FRAS1: variants seen among roughly 807,000 people sequenced by gnomAD.
FRAS1 encodes the protein Fraser extracellular matrix complex subunit 1.
FRAS1 carries 290 observed loss-of-function variants against 435.2 expected under a neutral mutation model. That is an observed-to-expected ratio of 0.67 (90% CI 0.61 to 0.73). The LOEUF (loss-of-function observed/expected upper bound fraction) is 0.73. Ranked by LOEUF, FRAS1 falls within the 30% of genes least tolerant of loss-of-function variation. The pLI is 0.00. For missense variants in FRAS1, 4,860 were observed against 5,001.5 expected (o/e 0.97, Z 0.85); for synonymous variants, 1,800 against 1,851.0 (o/e 0.97, Z 0.71).
chr4:78,136,556 C>T (rs1719928618), intron 2 of FRAS1, among the ~76,000 whole-genome samples: 1 of 152,158 alleles, frequency 6.6e-6, no homozygotes, highest in Non-Finnish European at 1.5e-5. Context: ...AGGATTATAA[C>T]ACTTTAGAGT....
chr4:78,187,046 T>C (rs1369894605), intron 2 of FRAS1, among the ~76,000 whole-genome samples: 1 of 152,238 alleles, frequency 6.6e-6, no homozygotes, highest in African/African-American at 2.4e-5. Flanking sequence ...TGTTGCCTCA[T>C]TTAAAGAGAA....
chr4:78,428,532 C>T (rs889689792), intron 35 of FRAS1, among the ~76,000 whole-genome samples: 11 of 152,130 alleles, frequency 7.2e-5, no homozygotes, highest in African/African-American at 2.7e-4. Context: ...ATCGTGTTAG[C>T]CAGGATGGTC....
intron 25 of FRAS1, 86 bp downstream of exon 25, chr4:78,374,337 CTTAAA>C (rs1731671257): frequency 1.5e-6 from 2 of 1,327,586 alleles, no homozygotes; most frequent in Non-Finnish European, 2.0e-6. Context: ...TCCAAGAATA[CTTAAA>C]TTAGAAAGCA....
chr4:78,191,220 C>T (rs1722518510), intron 2 of FRAS1, among the ~76,000 whole-genome samples: 1 of 152,194 alleles, frequency 6.6e-6, no homozygotes, highest in Non-Finnish European at 1.5e-5. Context: ...AAAGGGTGAT[C>T]TACAGTGACT....
intron 3 of FRAS1, among the ~76,000 whole-genome samples, chr4:78,239,143 GAA>G (rs1724890152): frequency 6.6e-6 from 1 of 152,140 alleles, no homozygotes; most frequent in Non-Finnish European, 1.5e-5. Flanking sequence ...GCCCTTCACA[GAA>G]AAAGTCTCCC....
At position 78,111,946 on chromosome 4, in the gene FRAS1, T is replaced by C. The variant is rs1024237005; in HGVS notation, c.108+45930T>C. Reference sequence around the variant, plus strand: ...TTCTGATGACATTGTTTTCAAGAGGTAGGCAAAGATCCCAGATTAGAAAAA... The same window carrying C: ...TTCTGATGACATTGTTTTCAAGAGGCAGGCAAAGATCCCAGATTAGAAAAA... On this transcript the variant is annotated intron_variant, in intron 2 of 73. Transcript: ENST00000512123. Among the ~76,000 whole-genome samples the C allele has an allele frequency of 9.2e-5, 14 of 152,176 alleles. 2 individuals are homozygous for C. The highest frequency in any genetic ancestry group is 3.4e-4 in the African/African-American group (14 of 41,534).
intron 19 of FRAS1, among the ~76,000 whole-genome samples, 158 bp from the exon 20 acceptor site, chr4:78,337,516 G>A (rs1038084418): frequency 6.6e-6 from 1 of 152,192 alleles, no homozygotes; most frequent in Non-Finnish European, 1.5e-5. Flanking sequence ...GCAGTCTCTA[G>A]GTCAGGTCCA....
At chr4:78,399,743 G>T (rs185789672) in intron 29 of FRAS1, among the ~76,000 whole-genome samples, 199 of 152,110 alleles carry the variant, frequency 1.3e-3, no homozygotes, top group Admixed American at 5.9e-3. Context: ...ATTTACCATT[G>T]GATTTACCAC....
At chr4:78,357,215 T>C (rs1730889826) in intron 20 of FRAS1, among the ~76,000 whole-genome samples, 1 of 152,206 alleles carries the variant, frequency 6.6e-6, no homozygotes, top group Non-Finnish European at 1.5e-5. Flanking sequence ...TTGGACTAAG[T>C]TGGTACCCCT....
chr4:78,284,290 C>G, intron 12 of FRAS1, 115 bp from the exon 13 acceptor site: 24 of 361,864 alleles, frequency 6.6e-5, no homozygotes, highest in Middle Eastern at 7.2e-4. Context: ...CCACAGTTTT[C>G]TGTTCTTCAT....
chr4:78,285,493 A>G (rs753392051), intron 13 of FRAS1, among the ~76,000 whole-genome samples: 2 of 148,170 alleles, frequency 1.3e-5, no homozygotes, highest in Non-Finnish European at 3.0e-5. Context: ...GTGTGGTGGC[A>G]TGGTCTCGGC....
chr4:78,481,767 A>C, intron 56 of FRAS1, 37 bp from the exon 57 acceptor site: 2 of 1,612,278 alleles, frequency 1.2e-6, no homozygotes, highest in Admixed American at 1.7e-5. Flanking sequence ...TTCTGGCTCA[A>C]AGTTGACCAT....
chr4:78,502,732 C>T (rs1037548566), intron 61 of FRAS1, among the ~76,000 whole-genome samples: 1 of 152,148 alleles, frequency 6.6e-6, no homozygotes, highest in Non-Finnish European at 1.5e-5. Flanking sequence ...ATTGCCCTGG[C>T]CAGAACTTCC....
intron 29 of FRAS1, among the ~76,000 whole-genome samples, chr4:78,389,556 G>C (rs999292000): frequency 7.2e-5 from 11 of 152,266 alleles, no homozygotes; most frequent in African/African-American, 2.7e-4. Flanking sequence ...TAGCCACCTT[G>C]CAACTCATCC....
intron 2 of FRAS1, among the ~76,000 whole-genome samples, chr4:78,203,301 T>A (rs1723118964): frequency 6.6e-6 from 1 of 152,170 alleles, no homozygotes; most frequent in African/African-American, 2.4e-5. Context: ...GAAAGGTAAC[T>A]GAGGGATAAA....
intron 2 of FRAS1, among the ~76,000 whole-genome samples, chr4:78,151,251 C>A (rs2110011615): frequency 6.6e-6 from 1 of 152,070 alleles, no homozygotes; most frequent in South Asian, 2.1e-4. Flanking sequence ...TTTTTTTACA[C>A]CTCAGTTATA....
chr4:78,209,102 G>A (rs1280466027), intron 2 of FRAS1, among the ~76,000 whole-genome samples: 1 of 151,720 alleles, frequency 6.6e-6, no homozygotes, highest in Admixed American at 6.6e-5. Context: ...CTGTGGTCGT[G>A]CCATGACACT....
intron 20 of FRAS1, among the ~76,000 whole-genome samples, chr4:78,355,058 C>G (rs1284009545): frequency 6.6e-6 from 1 of 152,014 alleles, no homozygotes; most frequent in Non-Finnish European, 1.5e-5. Context: ...GCTGCTGAGT[C>G]AAAATATTAA....
Position 78,120,582 on chromosome 4 carries a change from G to A in FRAS1, c.108+54566G>A, listed in dbSNP as rs1344497933. ...AGACCAGCCAGGCTCTGGGGAAAAA[G>A]GGGCCTGTGTGCAAAACCACAGCCC... On this transcript the variant is annotated intron_variant, in intron 2 of 73. Transcript: ENST00000512123. 2.0e-5 allele frequency among the ~76,000 whole-genome samples: 3 copies of A among 152,128 alleles called. No individual in the cohort carries two copies. In the South Asian group the frequency reaches 6.2e-4, roughly 32 times the overall value.
Sources: gnomAD v4.1 joint callset for allele counts (sites outside exome capture counted in the v4.1 genomes callset) on GRCh38, gnomAD v4.1.1 for gene constraint, MANE v1.5 for transcripts, NCBI Gene and HGNC (gene_info 2026-07-23, HGNC 2026-07-21) for gene names.